The following GNG2 variants were observed in gnomAD, a reference collection of about 807,000 sequenced individuals.
GNG2 encodes the protein G protein subunit gamma 2.
GNG2 carries 5 observed loss-of-function variants against 5.5 expected under a neutral mutation model. The ratio of observed to expected loss-of-function variants is 0.91; its 90% CI spans 0.48 to 1.92. The LOEUF is 1.92. Ranked by LOEUF, GNG2 falls within the 30% of genes most tolerant of loss-of-function variation. The probability of loss-of-function intolerance (pLI) is 0.01; values close to 1 mark genes in which losing one functional copy is unlikely to be tolerated. For synonymous variants in GNG2, 28 were observed against 32.0 expected, an observed-to-expected ratio of 0.88 and a Z score of 0.42; for missense variants, 55 against 88.4, an observed-to-expected ratio of 0.62 and a Z score of 1.52.
At chr14:51,830,815 T>G (rs1309197209) in intron 2 of GNG2, among the ~76,000 whole-genome samples, 1 of 152,210 alleles carries the variant, frequency 6.6e-6, no homozygotes, top group Non-Finnish European at 1.5e-5. Flanking sequence ...GCAGCAAAAG[T>G]GCACCTTTTC....
At chr14:51,963,885 AGTACT>A (rs1226677616) in intron 3 of GNG2, among the ~76,000 whole-genome samples, 2 of 152,260 alleles carry the variant, frequency 1.3e-5, no homozygotes, top group Non-Finnish European at 2.9e-5. Flanking sequence ...TATTTTTGTA[AGTACT>A]GTAATGTCTA....
At chr14:51,886,731 C>T (rs1159228319) in intron 2 of GNG2, among the ~76,000 whole-genome samples, 5 of 152,062 alleles carry the variant, frequency 3.3e-5, no homozygotes, top group African/African-American at 4.8e-5. Flanking sequence ...AGGCAGAGAC[C>T]CCAGGAAACA....
intron 2 of GNG2, among the ~76,000 whole-genome samples, chr14:51,880,964 A>AAG (rs1884014295): frequency 7.4e-6 from 1 of 134,232 alleles, no homozygotes; most frequent in Admixed American, 7.5e-5. Flanking sequence ...AGACAAAAAA[A>AAG]AAGAAAAAAA....
intron 1 of GNG2, among the ~76,000 whole-genome samples, chr14:51,873,639 T>A (rs1340671070): frequency 6.6e-6 from 1 of 152,254 alleles, no homozygotes; most frequent in Non-Finnish European, 1.5e-5. Flanking sequence ...AAATAGTTTC[T>A]TTCTCTGATA....
chr14:51,879,183 C>T (rs920086434), intron 2 of GNG2, among the ~76,000 whole-genome samples: 2 of 152,224 alleles, frequency 1.3e-5, no homozygotes, highest in African/African-American at 4.8e-5. Context: ...CATACAAAAT[C>T]AGTGGTTTCA....
chr14:51,925,626 T>G (rs1490329007), intron 2 of GNG2, among the ~76,000 whole-genome samples: 3 of 152,186 alleles, frequency 2.0e-5, no homozygotes, highest in African/African-American at 7.2e-5. Context: ...TTATATTATT[T>G]TTTGAGACAG....
intron 3 of GNG2, 57 bp from the exon 4 acceptor site, chr14:51,966,501 TG>T: frequency 6.6e-7 from 1 of 1,522,440 alleles, no homozygotes; most frequent in Non-Finnish European, 9.1e-7. Flanking sequence ...TCTAAAGCCT[TG>T]GGCCTTGACT....
intron 2 of GNG2, among the ~76,000 whole-genome samples, chr14:51,940,594 T>C (rs990408263): frequency 9.9e-5 from 15 of 152,152 alleles, no homozygotes; most frequent in South Asian, 2.1e-4. Context: ...ACTTCCCAGT[T>C]GTTGAAAGAC....
chr14:51,881,576 G>A (rs1884074489), intron 2 of GNG2, among the ~76,000 whole-genome samples: 1 of 152,048 alleles, frequency 6.6e-6, no homozygotes, highest in Admixed American at 6.6e-5. Context: ...CATTTCTGTG[G>A]CTTTTATTTT....
intron 2 of GNG2, among the ~76,000 whole-genome samples, chr14:51,911,001 T>C (rs1886257609): frequency 6.6e-6 from 1 of 152,226 alleles, no homozygotes; most frequent in Non-Finnish European, 1.5e-5. Context: ...GCATCACTGC[T>C]ACTCACGTCA....
chr14:51,883,675 A>G (rs771920978), intron 2 of GNG2, among the ~76,000 whole-genome samples: 4 of 152,216 alleles, frequency 2.6e-5, no homozygotes, highest in African/African-American at 7.2e-5. Context: ...AAAAATATAC[A>G]TTCGTAGAGA....
chr14:51,881,361 T>G (rs1201696916), intron 2 of GNG2, among the ~76,000 whole-genome samples: 25 of 151,776 alleles, frequency 1.6e-4, no homozygotes, highest in Non-Finnish European at 1.5e-5. Flanking sequence ...TGTCTTGGAG[T>G]CTCATTTGGT....
At chr14:51,856,957 T>G (rs1193451888), upstream of GNG2, among the ~76,000 whole-genome samples, 1 of 152,150 alleles carries the variant, frequency 6.6e-6, no homozygotes, top group Non-Finnish European at 1.5e-5. Context: ...AACTTCTCAT[T>G]TTTGAGACTT....
chr14:51,857,685 G>T (rs1882226307), upstream of GNG2, among the ~76,000 whole-genome samples: 1 of 152,130 alleles, frequency 6.6e-6, no homozygotes, highest in South Asian at 2.1e-4. Context: ...GAGGGGTTTG[G>T]GCAAGGAGAT....
chr14:51,952,737 A>T lies in GNG2; in HGVS notation c.87+1972A>T, dbSNP rs369143963. 7.2e-5 allele frequency among the ~76,000 whole-genome samples: 11 copies of T among 152,340 alleles called. No homozygotes were observed. The East Asian group carries it at 1.3e-3, about 19-fold the overall frequency. On this transcript the variant is annotated intron_variant, in intron 3 of 3. Transcript: ENST00000556766. Reference sequence around the variant, plus strand: ...TTCAGAAATAGTTTAGACTTTTATCATCCCTCACCTGAATTACTGACTGCA... The same window carrying T: ...TTCAGAAATAGTTTAGACTTTTATCTTCCCTCACCTGAATTACTGACTGCA...
At chr14:51,842,398 C>A (rs1029580988) in intron 2 of GNG2, among the ~76,000 whole-genome samples, 1 of 152,186 alleles carries the variant, frequency 6.6e-6, no homozygotes, top group African/African-American at 2.4e-5. Flanking sequence ...GTAGAGCTGT[C>A]CAAGTTGTGC....
chr14:51,919,213 A>G (rs1262858737), intron 2 of GNG2, among the ~76,000 whole-genome samples: 1 of 152,202 alleles, frequency 6.6e-6, no homozygotes, highest in African/African-American at 2.4e-5. Flanking sequence ...TTTAAACTCT[A>G]TTAATTCACA....
intron 2 of GNG2, among the ~76,000 whole-genome samples, chr14:51,890,403 G>T (rs1371925004): frequency 6.6e-6 from 1 of 152,162 alleles, no homozygotes; most frequent in South Asian, 2.1e-4. Flanking sequence ...AAATCTTAAA[G>T]TGAAAGAAAG....
chr14:51,929,518 C>T (rs1167890346), intron 2 of GNG2, among the ~76,000 whole-genome samples: 1 of 152,064 alleles, frequency 6.6e-6, no homozygotes, highest in Non-Finnish European at 1.5e-5. Context: ...CAAGCAAGGC[C>T]CAAGGTAAAG....
Sources: allele counts gnomAD v4.1 joint callset (sites outside exome capture counted in the v4.1 genomes callset), GRCh38; gene constraint gnomAD v4.1.1; transcripts MANE v1.5; gene names NCBI Gene and HGNC (gene_info 2026-07-23, HGNC 2026-07-21).